Variants in TSHZ2 observed in about 807,000 individuals in gnomAD.
The protein encoded by TSHZ2 is teashirt homolog 2.
In TSHZ2, 21 loss-of-function variants were observed where a neutral mutation model predicts 74.4. The observed-to-expected ratio is 0.28, with a 90% CI of 0.20 to 0.41. The LOEUF (loss-of-function observed/expected upper bound fraction) is 0.41. TSHZ2 is among the 10% of genes least tolerant of loss of function. TSHZ2 has a pLI of 1.00. For synonymous variants in TSHZ2, 540 were observed against 515.3 expected (o/e 1.05, Z -0.65); for missense variants, 1,244 against 1,293.5 (o/e 0.96, Z 0.59).
At chr20:53,057,519 CATA>C (rs1984680035) in intron 1 of TSHZ2, among the ~76,000 whole-genome samples, 1 of 152,058 alleles carries the variant, frequency 6.6e-6, no homozygotes, top group South Asian at 2.1e-4. Context: ...TTTAAGAAAT[CATA>C]ATAATTCATT....
intron 2 of TSHZ2, among the ~76,000 whole-genome samples, chr20:53,338,073 C>T (rs1980028030): frequency 6.6e-6 from 1 of 152,210 alleles, no homozygotes; most frequent in African/African-American, 2.4e-5. Flanking sequence ...CAGGGACACA[C>T]CATAGTGTGT....
chr20:53,378,443 A>G (rs895194118), intron 2 of TSHZ2, among the ~76,000 whole-genome samples: 2 of 151,710 alleles, frequency 1.3e-5, no homozygotes, highest in Non-Finnish European at 2.9e-5. Flanking sequence ...AAAATCTCCC[A>G]CACCTTAAAC....
rs34385917 is a variant in TSHZ2, at chr20:53,196,366, T to TAAAAAAAAA, written c.41-57115_41-57107dup. The TAAAAAAAAA allele has an allele frequency of 2.0e-3, 218 of 109,642 alleles. 2 individuals are homozygous for TAAAAAAAAA. The highest frequency in any genetic ancestry group is 6.5e-3 in the African/African-American group (208 of 32,178). 6.8% of individuals were successfully genotyped at this position (109,642 alleles called of 1,614,324 possible). A position where few individuals can be genotyped will look rare whatever the true frequency, so the allele number is the denominator to read the frequency against. ...CCCGGAGGCATCAAGAATCTGCTGC[T>TAAAAAAAAA]AAAAAAAAAAAAAAAAAAAAAAAAA... On this transcript the variant is annotated intron_variant, in intron 1 of 2. Transcript: ENST00000371497.
intron 2 of TSHZ2, among the ~76,000 whole-genome samples, chr20:53,320,334 A>C (rs1979206696): frequency 6.6e-6 from 1 of 152,356 alleles, no homozygotes; most frequent in East Asian, 1.9e-4. Context: ...GAACTGAGGC[A>C]GTCTGGATCT....
intron 2 of TSHZ2, among the ~76,000 whole-genome samples, chr20:53,480,837 G>A (rs575056710): frequency 6.6e-6 from 1 of 152,316 alleles, no homozygotes; most frequent in Admixed American, 6.5e-5. Flanking sequence ...GCCAGGGGAT[G>A]AGAAAGGCTG....
intron 2 of TSHZ2, among the ~76,000 whole-genome samples, chr20:53,429,047 G>C (rs1983750229): frequency 6.6e-6 from 1 of 152,194 alleles, no homozygotes; most frequent in South Asian, 2.1e-4. Context: ...TCAGAAATGA[G>C]TATTGTTTCC....
chr20:53,009,888 C>T (rs1337808441), intron 1 of TSHZ2, among the ~76,000 whole-genome samples: 1 of 152,142 alleles, frequency 6.6e-6, no homozygotes, highest in Non-Finnish European at 1.5e-5. Context: ...AAAAGACCTA[C>T]ATTGGGAACT....
At chr20:53,482,438 TC>T (rs1385588992) in intron 2 of TSHZ2, among the ~76,000 whole-genome samples, 1 of 151,988 alleles carries the variant, frequency 6.6e-6, no homozygotes, top group East Asian at 1.9e-4. Context: ...ATAACCTGAG[TC>T]AAGAATCACA....
chr20:53,052,482 A>G (rs926728773), intron 1 of TSHZ2, among the ~76,000 whole-genome samples: 14 of 152,188 alleles, frequency 9.2e-5, no homozygotes, highest in African/African-American at 3.1e-4. Context: ...GAACAGTTTC[A>G]TCCCAAACCT....
At chr20:53,146,366 C>T (rs17514727) in intron 1 of TSHZ2, among the ~76,000 whole-genome samples, 3,285 of 151,870 alleles carry the variant, frequency 0.022, 56 homozygotes, top group Middle Eastern at 0.037. Context: ...AATTGGTGCC[C>T]GCACCTCACA....
intron 2 of TSHZ2, among the ~76,000 whole-genome samples, chr20:53,301,398 C>T (rs923431102): frequency 3.9e-5 from 6 of 152,264 alleles, no homozygotes; most frequent in African/African-American, 1.4e-4. Flanking sequence ...TCAGACAGGC[C>T]ATTTAATCTC....
At chr20:53,019,426 G>A (rs1355685137) in intron 1 of TSHZ2, among the ~76,000 whole-genome samples, 1 of 152,128 alleles carries the variant, frequency 6.6e-6, no homozygotes, top group Non-Finnish European at 1.5e-5. Context: ...TGTGACTGCT[G>A]GGACAAGGCT....
intron 2 of TSHZ2, among the ~76,000 whole-genome samples, chr20:53,440,683 C>A (rs1984278312): frequency 6.6e-6 from 1 of 152,126 alleles, no homozygotes; most frequent in Non-Finnish European, 1.5e-5. Flanking sequence ...GGGGAGGAAG[C>A]TTTAAAAATA....
Position 53,493,680 on chromosome 20 carries a change from G to A in TSHZ2, c.*6545G>A, listed in dbSNP as rs1986505714. On this transcript the variant is annotated 3_prime_UTR_variant, in exon 3 of 3. Coordinates refer to ENST00000371497, the MANE Select transcript of TSHZ2 (RefSeq NM_173485.6). The stretch of plus-strand genomic sequence containing the variant: ...ACAGAGATTATTGAGCCAACAGGCT[G>A]TTTTAATCAAAACCATGTTTCACTT... 6.6e-6 allele frequency: 1 copy of A among 151,666 alleles called. No homozygotes were observed. The highest frequency in any genetic ancestry group is 2.1e-4 in the South Asian group (1 of 4,804). 9.4% of individuals were successfully genotyped at this position (151,666 alleles called of 1,614,324 possible).
At chr20:53,120,412 A>T (rs898078208) in intron 1 of TSHZ2, among the ~76,000 whole-genome samples, 1 of 151,656 alleles carries the variant, frequency 6.6e-6, no homozygotes, top group South Asian at 2.1e-4. Context: ...TTGTATCTTT[A>T]AAAAAAAAGT....
At chr20:53,231,526 A>G (rs796985640) in intron 1 of TSHZ2, among the ~76,000 whole-genome samples, 4 of 152,284 alleles carry the variant, frequency 2.6e-5, no homozygotes, top group African/African-American at 9.6e-5. Context: ...TGTCCAGGAG[A>G]GTTGCTGGAG....
intron 2 of TSHZ2, among the ~76,000 whole-genome samples, chr20:53,285,650 C>G (rs1991149700): frequency 6.6e-6 from 1 of 151,642 alleles, no homozygotes; most frequent in Non-Finnish European, 1.5e-5. Context: ...GTGGAGGTTG[C>G]AGTGAGCCAA....
At chr20:53,447,915 T>A (rs1359987688) in intron 2 of TSHZ2, among the ~76,000 whole-genome samples, 2 of 102,622 alleles carry the variant, frequency 1.9e-5, no homozygotes, top group East Asian at 5.1e-4. Context: ...AGAAGAAATT[T>A]TTTTTTTTTT....
At chr20:53,317,431 C>T (rs989540803) in intron 2 of TSHZ2, among the ~76,000 whole-genome samples, 1 of 152,122 alleles carries the variant, frequency 6.6e-6, no homozygotes, top group Non-Finnish European at 1.5e-5. Context: ...GCATGGGGCT[C>T]ATGTGGGCTG....
Sources: gnomAD v4.1 joint callset for allele counts (sites outside exome capture counted in the v4.1 genomes callset) on GRCh38, gnomAD v4.1.1 for gene constraint, MANE v1.5 for transcripts, NCBI Gene and HGNC (gene_info 2026-07-23, HGNC 2026-07-21) for gene names.